RNF13: variants seen among roughly 807,000 people sequenced by gnomAD.
RNF13 encodes the protein E3 ubiquitin-protein ligase RNF13.
RNF13 carries 19 observed loss-of-function variants against 37.7 expected under a neutral mutation model. The observed-to-expected ratio is 0.50, with a 90% CI of 0.35 to 0.74. RNF13 has a LOEUF of 0.74. Ranked by LOEUF, RNF13 falls within the 30% of genes least tolerant of loss-of-function variation. The pLI, the probability that RNF13 is intolerant of heterozygous loss-of-function variation, is 0.01. For synonymous variants in RNF13, 144 were observed against 157.8 expected, an observed-to-expected ratio of 0.91 and a Z score of 0.65; for missense variants, 375 against 453.0, an observed-to-expected ratio of 0.83 and a Z score of 1.56.
chr3:149,914,453 C>T (rs1717296051), intron 7 of RNF13, among the ~76,000 whole-genome samples: 1 of 151,598 alleles, frequency 6.6e-6, no homozygotes, highest in African/African-American at 2.4e-5. Flanking sequence ...TTGTTGATTC[C>T]CTTGGGGTTT....
Position 149,872,043 on chromosome 3 carries a change from C to T in RNF13, c.210C>T (p.Asn70=). ...TTCTTTTTCAGGGTTTTTTGATTAACTCAAAACCAGAGAATGCCTGTGAAC... is the reference window on the plus strand; with the variant it reads ...TTCTTTTTCAGGGTTTTTTGATTAATTCAAAACCAGAGAATGCCTGTGAAC... ...PAEGLKGFLI[N]SKPENACEPI... is the part of the protein sequence containing the mutation. The change falls in exon 4 of 10, where the codon AAC becomes AAT. Residue 70 remains asparagine (N), a synonymous_variant. Coordinates refer to ENST00000392894, the MANE Select transcript of RNF13 (RefSeq NM_183381.3). 1 of 1,593,674 alleles carries T rather than the reference C, an allele frequency of 6.3e-7. No individual in the cohort carries two copies.
At chr3:149,924,539 A>T (rs1418685925) in intron 8 of RNF13, among the ~76,000 whole-genome samples, 1 of 152,170 alleles carries the variant, frequency 6.6e-6, no homozygotes, top group African/African-American at 2.4e-5. Context: ...CCAGTGATGC[A>T]AATCTATCAG....
At position 149,953,295 on chromosome 3, in the gene RNF13, C is replaced by CT. The variant is rs534397658; in HGVS notation, c.701-6758dup. On this transcript the variant is annotated intron_variant, in intron 8 of 9. Coordinates refer to ENST00000392894, the MANE Select transcript of RNF13 (RefSeq NM_183381.3). ...CTCCCAGAGTTGCTAATGCAATGCT[C>CT]TTTCCCTCAGTGGAGTCATCTGATT... Among the ~76,000 whole-genome samples the CT allele has an allele frequency of 8.4e-4, 128 of 152,340 alleles. 1 individual carries two copies. Among genetic ancestry groups the CT allele is most frequent in the African/African-American group, 2.7e-3 (114 of 41,572 alleles).
chr3:149,872,749 G>A (rs553386283), intron 4 of RNF13, among the ~76,000 whole-genome samples: 5 of 152,302 alleles, frequency 3.3e-5, no homozygotes, highest in East Asian at 3.9e-4. Context: ...TGTCTTGCAT[G>A]TATCTCCCAG....
intron 1 of RNF13, among the ~76,000 whole-genome samples, chr3:149,835,667 T>TGTGTTTG (rs1218091872): frequency 3.4e-5 from 3 of 87,998 alleles, no homozygotes; most frequent in African/African-American, 1.2e-4. Flanking sequence ...GTGTGTGTGT[T>TGTGTTTG]TGTGTGTGTG....
chr3:149,864,134 G>GGTAA (rs1724558708), intron 3 of RNF13, among the ~76,000 whole-genome samples: 1 of 148,312 alleles, frequency 6.7e-6, no homozygotes, highest in Non-Finnish European at 1.5e-5. Context: ...TAGTGTTGGA[G>GGTAA]GTAAGGCACA....
chr3:149,876,116 A>G (rs1049648915), intron 4 of RNF13, among the ~76,000 whole-genome samples: 3 of 152,250 alleles, frequency 2.0e-5, no homozygotes, highest in African/African-American at 7.2e-5. Context: ...TTGTCATTTC[A>G]GTACCAGATG....
intron 1 of RNF13, among the ~76,000 whole-genome samples, chr3:149,841,475 G>C (rs970027287): frequency 2.6e-5 from 4 of 152,198 alleles, no homozygotes; most frequent in Non-Finnish European, 1.5e-5. Flanking sequence ...AGATAGAAGA[G>C]AGTGTATTTT....
At chr3:149,918,308 G>A (rs1157436532) in intron 7 of RNF13, among the ~76,000 whole-genome samples, 1 of 152,018 alleles carries the variant, frequency 6.6e-6, no homozygotes, top group East Asian at 1.9e-4. Flanking sequence ...CTACCATATT[G>A]GACAGCACAG....
At chr3:149,877,242 G>A (rs1712826595) in intron 4 of RNF13, among the ~76,000 whole-genome samples, 1 of 151,984 alleles carries the variant, frequency 6.6e-6, no homozygotes, top group Non-Finnish European at 1.5e-5. Context: ...AAAACCTTAA[G>A]GGCTTATAAT....
intron 1 of RNF13, among the ~76,000 whole-genome samples, chr3:149,843,808 G>A (rs1219410441): frequency 6.6e-6 from 1 of 152,200 alleles, no homozygotes; most frequent in East Asian, 1.9e-4. Context: ...TCTTGGGCAA[G>A]TTGCTTAACA....
In RNF13 at chr3:149,827,184, T is replaced by C. The variant is rs141869143; in HGVS notation, c.-17+13831T>C. ...TGGATGGTTGCATCTGTACTAAACA[T>C]GTTAAACAATATGGTATAACAACTA... On this transcript the variant is annotated intron_variant, in intron 1 of 9. Transcript: ENST00000392894. 1.2e-3 allele frequency among the ~76,000 whole-genome samples: 179 copies of C among 152,344 alleles called. 3 individuals carry two copies. The East Asian group carries it at 0.024, about 20-fold the overall frequency.
At chr3:149,917,329 T>A (rs1717638195) in intron 7 of RNF13, 1 of 152,208 alleles carries the variant, frequency 6.6e-6, no homozygotes, top group Non-Finnish European at 1.5e-5. Context: ...TATATCTAAG[T>A]GGCTAAGGCA....
intron 8 of RNF13, among the ~76,000 whole-genome samples, chr3:149,946,099 T>C (rs1278425209): frequency 6.6e-6 from 1 of 152,192 alleles, no homozygotes; most frequent in Non-Finnish European, 1.5e-5. Flanking sequence ...GAAGAAGGCT[T>C]CAGACGATCA....
chr3:149,870,338 C>CT (rs981353484), intron 3 of RNF13, among the ~76,000 whole-genome samples: 1 of 151,558 alleles, frequency 6.6e-6, no homozygotes, highest in African/African-American at 2.4e-5. Context: ...GTCTGATTCT[C>CT]TGTCTGCTGG....
chr3:149,878,834 G>A (rs1259992154), intron 4 of RNF13, among the ~76,000 whole-genome samples: 1 of 152,128 alleles, frequency 6.6e-6, no homozygotes, highest in Admixed American at 6.5e-5. Context: ...GGGAGAAAGG[G>A]TATTTTGTGT....
chr3:149,844,424 A>G (rs1038407788), intron 1 of RNF13, among the ~76,000 whole-genome samples: 3 of 152,210 alleles, frequency 2.0e-5, no homozygotes, highest in African/African-American at 7.2e-5. Context: ...AGGGAAGCTC[A>G]TTAGAGACTC....
intron 8 of RNF13, among the ~76,000 whole-genome samples, chr3:149,955,537 A>G (rs143391238): frequency 0.025 from 3,790 of 152,224 alleles, 64 homozygotes; most frequent in South Asian, 0.043. Flanking sequence ...TATTTGCTAG[A>G]AAAAAAGCTG....
rs555947325 is a variant in RNF13 at position 149,863,464 on chromosome 3, A to G, written c.196-8565A>G. ...GTGCAATCTCAGCTCACTGCAAGCT[A>G]TGCCTCCTGGGTTCAAGCAATTGTC... On this transcript the variant is annotated intron_variant, in intron 3 of 9. Transcript: ENST00000392894. 9.2e-5 allele frequency among the ~76,000 whole-genome samples: 14 copies of G among 152,154 alleles called. No individual in the cohort carries two copies. The East Asian group carries it at 2.5e-3, about 27-fold the overall frequency.
Sources: allele counts gnomAD v4.1 joint callset (sites outside exome capture counted in the v4.1 genomes callset), GRCh38; gene constraint gnomAD v4.1.1; transcripts MANE v1.5; gene names NCBI Gene and HGNC (gene_info 2026-07-23, HGNC 2026-07-21).